Variants in SLC1A7 observed in about 807,000 individuals in gnomAD.
SLC1A7 encodes solute carrier family 1 member 7, also known as excitatory amino acid transporter 5.
Under a neutral mutation model 47.7 loss-of-function variants are expected in SLC1A7, and 40 were observed. The observed-to-expected ratio is 0.84, with a 90% CI of 0.65 to 1.09. The LOEUF (loss-of-function observed/expected upper bound fraction) is 1.09. Ranked by LOEUF, SLC1A7 falls within the 50% of genes least tolerant of loss-of-function variation. SLC1A7 has a pLI of 0.00. For missense variants in SLC1A7, 746 were observed against 769.5 expected (o/e 0.97, Z 0.36); for synonymous variants, 323 against 325.6 (o/e 0.99, Z 0.09).
chr1:53,090,078 G>T (rs1644403406), intron 8 of SLC1A7, 144 bp from the exon 9 acceptor site: 1 of 796,078 alleles, frequency 1.3e-6, no homozygotes, highest in East Asian at 2.7e-5. Flanking sequence ...ACACCAGGGA[G>T]CTCTCGGGGT....
At chr1:53,097,319 C>T (rs1303323104) in intron 5 of SLC1A7, among the ~76,000 whole-genome samples, 2 of 147,368 alleles carry the variant, frequency 1.4e-5, no homozygotes, top group African/African-American at 2.5e-5. Flanking sequence ...TCACACACTG[C>T]CTTGGTGCAC....
intron 3 of SLC1A7, among the ~76,000 whole-genome samples, chr1:53,111,184 G>A (rs1245787426): frequency 1.3e-5 from 2 of 152,108 alleles, no homozygotes; most frequent in African/African-American, 2.4e-5. Flanking sequence ...CAGGAGAGGC[G>A]ACACCCAGGA....
chr1:53,087,253 C>T lies in SLC1A7; in HGVS notation c.*756G>A, dbSNP rs976368284. On this transcript the variant is annotated 3_prime_UTR_variant, in exon 11 of 11. Coordinates refer to ENST00000371494, the MANE Select transcript of SLC1A7 (RefSeq NM_006671.6). ...ACAGAAAGGAATAGAAAACCTGACT[C>T]CACTTGGACGCACAGGCCTTTGGGG... 6.6e-6 allele frequency: 1 copy of T among 152,276 alleles called. No individual in the cohort carries two copies. The highest frequency in any genetic ancestry group is 1.5e-5 in the Non-Finnish European group (1 of 68,062). The allele number at this position is 152,276 out of a possible 1,614,324, so 9.4% of individuals were successfully genotyped here. A position where few individuals can be genotyped will look rare whatever the true frequency, so the allele number is the denominator to read the frequency against.
intron 2 of SLC1A7, among the ~76,000 whole-genome samples, chr1:53,122,680 C>G (rs1468691114): frequency 6.6e-6 from 1 of 152,134 alleles, no homozygotes; most frequent in Non-Finnish European, 1.5e-5. Flanking sequence ...TCTCAGCACA[C>G]CCTCCCAAGG....
In SLC1A7 at chr1:53,134,338, C is replaced by A. The variant is rs200677131; in HGVS notation, c.215+12G>T. 3.5e-4 allele frequency: 563 copies of A among 1,608,114 alleles called. 2 individuals carry two copies. The African/African-American group carries it at 6.7e-3, about 19-fold the overall frequency. On this transcript the variant is annotated intron_variant, in intron 2 of 10. Coordinates refer to ENST00000371494, the MANE Select transcript of SLC1A7 (RefSeq NM_006671.6). ...CTGGTTCCGGACCACCTGGTCAAACCCCCGCTCTCACCTGGAGACCACCAG... is the reference window on the plus strand; with the variant it reads ...CTGGTTCCGGACCACCTGGTCAAACACCCGCTCTCACCTGGAGACCACCAG...
At chr1:53,123,897 C>T (rs962216552) in intron 2 of SLC1A7, among the ~76,000 whole-genome samples, 3 of 152,196 alleles carry the variant, frequency 2.0e-5, no homozygotes, top group Admixed American at 6.5e-5. Flanking sequence ...CAGTGGAGCT[C>T]GCCAAACTGT....
At chr1:53,137,230 T>TGA (rs1235336015) in intron 1 of SLC1A7, among the ~76,000 whole-genome samples, 1 of 145,770 alleles carries the variant, frequency 6.9e-6, no homozygotes, top group Non-Finnish European at 1.5e-5. Context: ...GGGATTGCAG[T>TGA]GAGCTAAGAT....
chr1:53,133,674 A>G (rs1644963112), intron 2 of SLC1A7, among the ~76,000 whole-genome samples: 1 of 152,184 alleles, frequency 6.6e-6, no homozygotes, highest in Non-Finnish European at 1.5e-5. Context: ...CTAGCACATC[A>G]GTGAAAGGGA....
intron 5 of SLC1A7, among the ~76,000 whole-genome samples, chr1:53,095,698 C>A (rs1334407236): frequency 6.6e-6 from 1 of 151,566 alleles, no homozygotes; most frequent in Non-Finnish European, 1.5e-5. Flanking sequence ...TACACTCACA[C>A]ACCCTGCCTC....
chr1:53,092,763 G>C lies in SLC1A7; in HGVS notation c.822C>G (p.Phe274Leu). The change falls in exon 7 of 11, where the codon TTC becomes TTG. Residue 274 changes from phenylalanine to leucine, a missense_variant. Transcript: ENST00000371494. ...TCTCCAGGATCTTACCCGCAATGAG[G>C]AACACAATGCCGAAGGGGAAATACC... The part of the protein sequence containing the change: ...AVWYFPFGIV[F>L]LIAGKILEMD... 1 of 1,613,118 alleles carries C rather than the reference G, an allele frequency of 6.2e-7. No homozygotes were observed. Among genetic ancestry groups the C allele is most frequent in the Non-Finnish European group, 8.5e-7 (1 of 1,179,258 alleles).
intron 5 of SLC1A7, among the ~76,000 whole-genome samples, chr1:53,098,787 A>G (rs1302501181): frequency 6.7e-6 from 1 of 150,242 alleles, no homozygotes; most frequent in Non-Finnish European, 1.5e-5. Context: ...CGGTACAGTC[A>G]CACAACCTGC....
intron 2 of SLC1A7, among the ~76,000 whole-genome samples, chr1:53,124,005 G>A (rs895506935): frequency 1.3e-5 from 2 of 152,242 alleles, no homozygotes; most frequent in South Asian, 2.1e-4. Flanking sequence ...CTCACGGCCT[G>A]TCCTGGGGAG....
At chr1:53,091,134 C>T (rs988946949) in intron 7 of SLC1A7, among the ~76,000 whole-genome samples, 2 of 152,252 alleles carry the variant, frequency 1.3e-5, no homozygotes, top group African/African-American at 2.4e-5. Flanking sequence ...ATTCCAGCCT[C>T]CTGTCAAGTG....
At chr1:53,135,046 G>C (rs1028537008) in intron 1 of SLC1A7, among the ~76,000 whole-genome samples, 5 of 152,156 alleles carry the variant, frequency 3.3e-5, no homozygotes, top group African/African-American at 9.6e-5. Context: ...AGGGTCATTG[G>C]GGGGCTTAAA....
At chr1:53,111,812 C>G (rs990298261) in intron 3 of SLC1A7, among the ~76,000 whole-genome samples, 2 of 152,164 alleles carry the variant, frequency 1.3e-5, no homozygotes, top group Non-Finnish European at 2.9e-5. Flanking sequence ...GTGTTCAAAG[C>G]CCTGGTATTG....
chr1:53,096,448 C>G (rs554613705), intron 5 of SLC1A7, among the ~76,000 whole-genome samples: 1 of 149,676 alleles, frequency 6.7e-6, no homozygotes, highest in East Asian at 2.0e-4. Context: ...CACTCACACA[C>G]CTTGCTTCAT....
intron 10 of SLC1A7, 132 bp from the exon 11 acceptor site, chr1:53,088,359 G>A: frequency 4.1e-6 from 3 of 727,164 alleles, no homozygotes; most frequent in Non-Finnish European, 6.5e-6. Flanking sequence ...CAGACACGCT[G>A]TGTGACCTCG....
chr1:53,134,482 G>T, intron 1 of SLC1A7, 53 bp from the exon 2 acceptor site: 2 of 1,207,008 alleles, frequency 1.7e-6, no homozygotes, highest in Non-Finnish European at 2.4e-6. Context: ...ACTGCACAGT[G>T]GTTCCGTTCT....
At chr1:53,106,472 C>T (rs929138457) in intron 3 of SLC1A7, among the ~76,000 whole-genome samples, 5 of 151,718 alleles carry the variant, frequency 3.3e-5, no homozygotes, top group South Asian at 2.1e-4. Flanking sequence ...GGCACGGTGG[C>T]GGGTGCCTGT....
Sources: gnomAD v4.1 joint callset for allele counts (sites outside exome capture counted in the v4.1 genomes callset) on GRCh38, gnomAD v4.1.1 for gene constraint, MANE v1.5 for transcripts, NCBI Gene and HGNC (gene_info 2026-07-23, HGNC 2026-07-21) for gene names.